The following ELMO1 variants were observed in gnomAD, a reference collection of about 807,000 sequenced individuals.
ELMO1 encodes the protein engulfment and cell motility protein 1.
In ELMO1, 26 loss-of-function variants were observed where a neutral mutation model predicts 98.9. That is an observed-to-expected ratio of 0.26 (90% CI 0.19 to 0.36). ELMO1 has a LOEUF of 0.36. Among genes scored for constraint, ELMO1 ranks in the 10% least tolerant of loss-of-function variants. The pLI is 1.00. For missense variants in ELMO1, 627 were observed against 935.2 expected (o/e 0.67, Z 4.30); for synonymous variants, 346 against 346.0 (o/e 1.00, Z 0.00).
Position 37,342,534 on chromosome 7 carries a change from T to G in ELMO1, c.78+79A>C. On this transcript the variant is annotated intron_variant, in intron 2 of 21. Transcript: ENST00000310758. This position sits in a 1 kb window ranked among gnomAD's most constrained non-coding sequence, Gnocchi z 4.3. ...AGCTAGAGAGAGAAAGGGAGAAGAG[T>G]GAGCTATCCAAAGTCTATGAAAATT... 2.2e-6 allele frequency: 3 copies of G among 1,371,200 alleles called. No homozygotes were observed. The highest frequency in any genetic ancestry group is 3.1e-6 in the Non-Finnish European group (3 of 960,656). The allele number at this position is 1,371,200 out of a possible 1,614,324, so 84.9% of individuals were successfully genotyped here.
intron 4 of ELMO1, among the ~76,000 whole-genome samples, chr7:37,278,579 G>A (rs1216884180): frequency 6.6e-6 from 1 of 152,116 alleles, no homozygotes; most frequent in Non-Finnish European, 1.5e-5. Context: ...TTCTACCTGT[G>A]GACAGTAGAT....
intron 19 of ELMO1, among the ~76,000 whole-genome samples, chr7:36,871,221 T>C (rs1217935300): frequency 6.6e-6 from 1 of 152,140 alleles, no homozygotes; most frequent in Non-Finnish European, 1.5e-5. Context: ...TTTGTGCACT[T>C]AAAACTTTTG....
chr7:37,073,568 T>TTGTA (rs997766844), intron 15 of ELMO1, among the ~76,000 whole-genome samples: 18 of 148,144 alleles, frequency 1.2e-4, no homozygotes, highest in Admixed American at 1.2e-3. Flanking sequence ...ATTGTTGTTT[T>TTGTA]TGTATGTGTG....
At chr7:37,083,269 C>T (rs1419285262) in intron 15 of ELMO1, among the ~76,000 whole-genome samples, 2 of 152,140 alleles carry the variant, frequency 1.3e-5, no homozygotes, top group African/African-American at 4.8e-5. Context: ...AGGGGGCCAT[C>T]GGGCTGCCTA....
In ELMO1 at chr7:37,042,578, T is replaced by C. The variant is rs193294781; in HGVS notation, c.1301-29143A>G. 1.0e-3 allele frequency among the ~76,000 whole-genome samples: 157 copies of C among 152,258 alleles called. 1 individual carries two copies. Among genetic ancestry groups the C allele is most frequent in the African/African-American group, 3.7e-3 (153 of 41,540 alleles). ...TCCAGGTAGGGACTGGGAATATGTATGGAAAAGATGCAGGCTCTATCAGAA... is the reference window on the plus strand; with the variant it reads ...TCCAGGTAGGGACTGGGAATATGTACGGAAAAGATGCAGGCTCTATCAGAA... On this transcript the variant is annotated intron_variant, in intron 15 of 21. Transcript: ENST00000310758.
chr7:37,258,022 C>T (rs1014956161), intron 6 of ELMO1, among the ~76,000 whole-genome samples: 2 of 151,110 alleles, frequency 1.3e-5, no homozygotes, highest in Non-Finnish European at 2.9e-5. Context: ...GTAATCCCAA[C>T]ACCTTGGGAG....
At chr7:37,092,042 A>C (rs1307016209) in intron 15 of ELMO1, among the ~76,000 whole-genome samples, 5 of 152,234 alleles carry the variant, frequency 3.3e-5, no homozygotes, top group Non-Finnish European at 7.4e-5. Context: ...CTCAATCTTC[A>C]ATCTTGTTCT....
chr7:36,947,830 T>C (rs922130162), intron 16 of ELMO1, among the ~76,000 whole-genome samples: 1 of 152,180 alleles, frequency 6.6e-6, no homozygotes, highest in Admixed American at 6.5e-5. Flanking sequence ...CTGCCTGGAA[T>C]GTCCCATCAC....
intron 5 of ELMO1, among the ~76,000 whole-genome samples, chr7:37,264,865 C>T (rs1054898224): frequency 2.6e-5 from 4 of 152,104 alleles, no homozygotes; most frequent in Non-Finnish European, 4.4e-5. Context: ...AAATCATCCC[C>T]AAGAAACTTC....
chr7:37,105,775 GTTTGT>G (rs1784909126), intron 14 of ELMO1, among the ~76,000 whole-genome samples: 1 of 152,144 alleles, frequency 6.6e-6, no homozygotes, highest in African/African-American at 2.4e-5. Flanking sequence ...ATTGGTTTTG[GTTTGT>G]TTTGTTTTTC....
chr7:36,995,955 A>G (rs1792182001), intron 16 of ELMO1, among the ~76,000 whole-genome samples: 1 of 152,154 alleles, frequency 6.6e-6, no homozygotes, highest in Non-Finnish European at 1.5e-5. Context: ...GACCTCACAA[A>G]CAGCTGGAAG....
At chr7:36,947,111 C>T (rs1469738613) in intron 16 of ELMO1, among the ~76,000 whole-genome samples, 3 of 152,222 alleles carry the variant, frequency 2.0e-5, no homozygotes, top group Non-Finnish European at 4.4e-5. Context: ...GTTTTTCCAA[C>T]CTTGCCCTGC....
chr7:37,005,049 C>T (rs1410690001), intron 16 of ELMO1, among the ~76,000 whole-genome samples: 1 of 124,366 alleles, frequency 8.0e-6, no homozygotes, highest in Non-Finnish European at 1.6e-5. Context: ...TTGGAGGTTG[C>T]GGTGAGCCGA....
At chr7:37,347,690 C>A (rs1801073056) in intron 1 of ELMO1, among the ~76,000 whole-genome samples, 1 of 152,054 alleles carries the variant, frequency 6.6e-6, no homozygotes, top group Admixed American at 6.6e-5. Context: ...CATGTAAACC[C>A]TTTTTTTCCT....
intron 1 of ELMO1, among the ~76,000 whole-genome samples, chr7:37,349,556 T>G (rs899246960): frequency 3.9e-5 from 6 of 152,114 alleles, no homozygotes; most frequent in African/African-American, 9.7e-5. Flanking sequence ...CGGGTTCAAG[T>G]GATTCTCCTG....
chr7:36,940,737 ACT>A (rs1786959011), intron 16 of ELMO1, among the ~76,000 whole-genome samples: 2 of 152,106 alleles, frequency 1.3e-5, no homozygotes, highest in Admixed American at 6.5e-5. Flanking sequence ...AATAAAAGAA[ACT>A]CTCACCAAGT....
intron 1 of ELMO1, among the ~76,000 whole-genome samples, chr7:37,434,303 A>G (rs2131573033): frequency 6.6e-6 from 1 of 152,254 alleles, no homozygotes; most frequent in South Asian, 2.1e-4. Flanking sequence ...GTGCACTGGG[A>G]TCACCTGAGA....
intron 16 of ELMO1, among the ~76,000 whole-genome samples, chr7:37,010,182 C>A (rs558235651): frequency 3.4e-4 from 52 of 152,108 alleles, no homozygotes; most frequent in Non-Finnish European, 5.4e-4. Context: ...ATCATGTCTA[C>A]CAGCAAAAAG....
At chr7:36,892,456 C>T (rs1805641132) in intron 17 of ELMO1, among the ~76,000 whole-genome samples, 2 of 152,190 alleles carry the variant, frequency 1.3e-5, no homozygotes, top group Non-Finnish European at 2.9e-5. Context: ...TAATCCTAGC[C>T]TGTGACAGAG....
Sources: gnomAD v4.1 joint callset for allele counts (sites outside exome capture counted in the v4.1 genomes callset) on GRCh38, gnomAD v4.1.1 for gene constraint, Gnocchi (gnomAD v3.1) non-coding constraint, MANE v1.5 for transcripts, NCBI Gene and HGNC (gene_info 2026-07-23, HGNC 2026-07-21) for gene names.